RAP1GDS1: variants seen among roughly 807,000 people sequenced by gnomAD.
RAP1GDS1 encodes RAP1, GTP-GDP dissociation stimulator 1.
A neutral mutation model predicts 71.1 loss-of-function variants in RAP1GDS1; 35 were observed. The ratio of observed to expected loss-of-function variants is 0.49; its 90% CI spans 0.38 to 0.65. RAP1GDS1 has a LOEUF of 0.65. Among genes scored for constraint, RAP1GDS1 ranks in the 30% least tolerant of loss-of-function variants. RAP1GDS1 has a pLI of 0.00. For missense variants in RAP1GDS1, 663 were observed against 706.1 expected, an observed-to-expected ratio of 0.94 and a Z score of 0.69; for synonymous variants, 229 against 243.1, an observed-to-expected ratio of 0.94 and a Z score of 0.54.
At chr4:98,292,624 T>G (rs555935698) in intron 1 of RAP1GDS1, among the ~76,000 whole-genome samples, 45 of 152,282 alleles carry the variant, frequency 3.0e-4, no homozygotes, top group Middle Eastern at 3.4e-3. Context: ...AGGAAATAAT[T>G]TTTTTCATTA....
intron 4 of RAP1GDS1, among the ~76,000 whole-genome samples, chr4:98,367,599 C>G (rs78063638): frequency 0.061 from 9,313 of 152,298 alleles, 411 homozygotes; most frequent in Non-Finnish European, 0.092. Flanking sequence ...GGGGGCTATA[C>G]CCTGCAAACA....
chr4:98,405,739 C>T (rs1047417185), intron 7 of RAP1GDS1, among the ~76,000 whole-genome samples: 1 of 151,844 alleles, frequency 6.6e-6, no homozygotes, highest in African/African-American at 2.4e-5. Context: ...TGACAGCTAC[C>T]TTCTCAACAG....
At chr4:98,406,726 A>C (rs1378122931) in intron 7 of RAP1GDS1, among the ~76,000 whole-genome samples, 2 of 152,110 alleles carry the variant, frequency 1.3e-5, no homozygotes, top group Admixed American at 1.3e-4. Context: ...TGAAACATTT[A>C]AGAACATGTA....
chr4:98,398,354 A>G (rs1026014050), intron 6 of RAP1GDS1, among the ~76,000 whole-genome samples: 2 of 152,200 alleles, frequency 1.3e-5, no homozygotes, highest in African/African-American at 4.8e-5. Flanking sequence ...AAAATTTCCT[A>G]CATTGCAAAT....
At chr4:98,289,924 G>A (rs750441057) in intron 1 of RAP1GDS1, among the ~76,000 whole-genome samples, 3 of 151,742 alleles carry the variant, frequency 2.0e-5, no homozygotes, top group Non-Finnish European at 2.9e-5. Context: ...TGGATTTGAT[G>A]TGGATAGTGA....
intron 12 of RAP1GDS1, among the ~76,000 whole-genome samples, chr4:98,429,351 C>T (rs569438787): frequency 4.6e-5 from 7 of 151,812 alleles, no homozygotes; most frequent in South Asian, 2.1e-4. Context: ...TAATGGCATT[C>T]GCAGCAACCT....
At chr4:98,285,012 C>T (rs1244835731) in intron 1 of RAP1GDS1, among the ~76,000 whole-genome samples, 1 of 152,236 alleles carries the variant, frequency 6.6e-6, no homozygotes, top group Admixed American at 6.5e-5. Flanking sequence ...TAGAGACCAG[C>T]CATCTTGAAT....
intron 6 of RAP1GDS1, 70 bp from the exon 7 acceptor site, chr4:98,404,407 A>C: frequency 7.3e-7 from 1 of 1,364,552 alleles, no homozygotes; most frequent in Non-Finnish European, 9.9e-7. Flanking sequence ...CAAAATAACT[A>C]AGTATTGAAA....
intron 4 of RAP1GDS1, among the ~76,000 whole-genome samples, chr4:98,363,416 C>G (rs146371021): frequency 1.5e-5 from 2 of 133,710 alleles, no homozygotes; most frequent in African/African-American, 2.9e-5. Context: ...CCCAGGAGTT[C>G]TAGGCTGCAG....
At chr4:98,335,854 A>C (rs1184991238) in intron 2 of RAP1GDS1, among the ~76,000 whole-genome samples, 1 of 151,250 alleles carries the variant, frequency 6.6e-6, no homozygotes, top group Non-Finnish European at 1.5e-5. Context: ...AAGTGGAGTA[A>C]ATTTTATATC....
chr4:98,421,694 T>G (rs1748884853), intron 12 of RAP1GDS1, among the ~76,000 whole-genome samples: 1 of 152,112 alleles, frequency 6.6e-6, no homozygotes, highest in Non-Finnish European at 1.5e-5. Context: ...ATTTAGAAAT[T>G]AAATGGTACC....
At chr4:98,283,910 A>G (rs550474615) in intron 1 of RAP1GDS1, among the ~76,000 whole-genome samples, 101 of 150,360 alleles carry the variant, frequency 6.7e-4, no homozygotes, top group African/African-American at 2.5e-3. Flanking sequence ...TTATAAATTC[A>G]TTTTGGAAGA....
chr4:98,331,373 GGA>G (rs1041342710), intron 2 of RAP1GDS1, among the ~76,000 whole-genome samples: 1 of 151,194 alleles, frequency 6.6e-6, no homozygotes, highest in Non-Finnish European at 1.5e-5. Flanking sequence ...AGAGGGAGAG[GGA>G]GAGAGAGAGG....
At chr4:98,377,964 AGAT>A (rs1457354682) in intron 4 of RAP1GDS1, among the ~76,000 whole-genome samples, 1 of 151,900 alleles carries the variant, frequency 6.6e-6, no homozygotes, top group African/African-American at 2.4e-5. Context: ...TATATTGTGA[AGAT>A]GATAATACAA....
At chr4:98,355,057 A>G (rs115655908) in intron 4 of RAP1GDS1, among the ~76,000 whole-genome samples, 2,016 of 152,320 alleles carry the variant, frequency 0.013, 17 homozygotes, top group Non-Finnish European at 0.021. Context: ...CAGTGTTTAT[A>G]CTTGAATTAC....
At chr4:98,281,073 G>A (rs1265939438) in intron 1 of RAP1GDS1, among the ~76,000 whole-genome samples, 1 of 152,152 alleles carries the variant, frequency 6.6e-6, no homozygotes, top group African/African-American at 2.4e-5. Flanking sequence ...TTTTTGCATA[G>A]GATTGTCTTG....
intron 4 of RAP1GDS1, among the ~76,000 whole-genome samples, chr4:98,359,709 G>A (rs1323372002): frequency 1.3e-5 from 2 of 152,174 alleles, no homozygotes; most frequent in Non-Finnish European, 2.9e-5. Flanking sequence ...TTTTGACTTT[G>A]ATATGTGGAC....
At chr4:98,425,004 A>G (rs923852158) in intron 12 of RAP1GDS1, among the ~76,000 whole-genome samples, 7 of 152,212 alleles carry the variant, frequency 4.6e-5, no homozygotes, top group Non-Finnish European at 7.3e-5. Flanking sequence ...GAGGTAACCT[A>G]TAAAGGAAAA....
chr4:98,404,504 C>T lies in RAP1GDS1; in HGVS notation c.665C>T (p.Thr222Ile). 1 of 1,605,794 alleles carries T rather than the reference C, an allele frequency of 6.2e-7. No individual in the cohort carries two copies. The highest frequency in any genetic ancestry group is 8.5e-7 in the Non-Finnish European group (1 of 1,176,922). ...TCAAGTAAAGAACAGTTTGCCAGTACAAACATTGCTGAAGAGCTAGTAAAA... is the reference window on the plus strand; with the variant it reads ...TCAAGTAAAGAACAGTTTGCCAGTATAAACATTGCTGAAGAGCTAGTAAAA... ...LESSKEQFAS[T>I]NIAEELVKLF... The change falls in exon 7 of 15, where the codon ACA becomes ATA. Residue 222 changes from threonine to isoleucine, a missense_variant. By Grantham distance (89) the Thr-to-Ile change is moderately conservative. Transcript: ENST00000408927.
Sources: gnomAD v4.1 joint callset for allele counts (sites outside exome capture counted in the v4.1 genomes callset) on GRCh38, gnomAD v4.1.1 for gene constraint, MANE v1.5 for transcripts, NCBI Gene and HGNC (gene_info 2026-07-23, HGNC 2026-07-21) for gene names.